OR56A4: variants seen among roughly 807,000 people sequenced by gnomAD.
The protein encoded by OR56A4 is olfactory receptor 56A4.
A neutral mutation model predicts 13.6 loss-of-function variants in OR56A4; 9 were observed. The observed-to-expected ratio is 0.66, with a 90% CI of 0.40 to 1.15. OR56A4 has a LOEUF of 1.15. Among genes scored for constraint, OR56A4 ranks in the 50% most tolerant of loss-of-function variants. The pLI is 0.01. For missense variants in OR56A4, 380 were observed against 375.9 expected (o/e 1.01, Z -0.09); for synonymous variants, 167 against 153.9 (o/e 1.08, Z -0.63).
At position 6,002,296 on chromosome 11, in the gene OR56A4, C is replaced by T. The variant is rs752100761; in HGVS notation, c.697G>A (p.Ala233Thr). Residue 233 changes from alanine (A) to threonine (T), a missense_variant, in exon 3 of 3, where the codon GCC becomes ACC. Transcript: ENST00000641156. ...AAGGCCTTGGCCACAGCACCCTCGG[C>T]CTTGATCCTAAGCACAACTTTCAAT... is the stretch of plus-strand genomic sequence containing the variant. ...FILKVVLRIK[A>T]EGAVAKALST... 1 of 1,614,180 alleles carries T rather than the reference C, an allele frequency of 6.2e-7. No individual in the cohort carries two copies. The highest frequency in any genetic ancestry group is 8.5e-7 in the Non-Finnish European group (1 of 1,180,040).
chr11:6,003,738 T>A (rs577936123), intron 2 of OR56A4, among the ~76,000 whole-genome samples: 1 of 152,152 alleles, frequency 6.6e-6, no homozygotes, highest in South Asian at 2.1e-4. Context: ...TGACACAACG[T>A]TGTGTGAAAT....
At position 6,002,184 on chromosome 11, in the gene OR56A4, C is replaced by A; in HGVS notation, c.809G>T (p.Arg270Ile). 1 of 1,614,178 alleles carries A rather than the reference C, an allele frequency of 6.2e-7. No homozygotes were observed. Among genetic ancestry groups the A allele is most frequent in the Non-Finnish European group, 8.5e-7 (1 of 1,180,030 alleles). Residue 270 changes from arginine to isoleucine, a missense_variant, in exon 3 of 3, where the codon AGA (arginine) becomes ATA (isoleucine). Coordinates refer to ENST00000641156, the MANE Select transcript of OR56A4 (RefSeq NM_001005179.4). The part of the protein sequence containing the change: ...VLVITNLARK[R>I]IPPDVPILLN... ...CAGGATGGGGACATCTGGAGGAATTCTCTTCCTGGCCAGGTTAGTGATGAC... is the reference window on the plus strand; with the variant it reads ...CAGGATGGGGACATCTGGAGGAATTATCTTCCTGGCCAGGTTAGTGATGAC...
rs780912520 is a variant in OR56A4 at position 6,002,619 on chromosome 11, CG to C, written c.373del (p.Arg125ValfsTer9). ...CAATGGATGGCAGATGGCCACATAA[CG>C]GTCATAGGCCATGACCATGAACGTG... The part of the protein sequence containing the change: ...SCTFMVMAYD[R>X]YVAICHPLRY... On this transcript the variant is annotated frameshift_variant, in exon 3 of 3. Coordinates refer to ENST00000641156, the MANE Select transcript of OR56A4 (RefSeq NM_001005179.4). LOFTEE classifies it high-confidence loss of function. 5.1e-5 allele frequency: 83 copies of C among 1,614,050 alleles called. No homozygotes were observed. The highest frequency in any genetic ancestry group is 1.2e-5 in the Non-Finnish European group (14 of 1,179,994).
chr11:6,000,166 A>C lies in OR56A4; in HGVS notation c.*1885T>G, dbSNP rs1192365700. 2 of 152,256 alleles carry C rather than the reference A, an allele frequency of 1.3e-5. No individual in the cohort carries two copies. The highest frequency in any genetic ancestry group is 2.9e-5 in the Non-Finnish European group (2 of 68,056). The allele number at this position is 152,256 out of a possible 1,614,324, so 9.4% of individuals were successfully genotyped here. A position where few individuals can be genotyped will look rare whatever the true frequency, so the allele number is the denominator to read the frequency against. ...CTGCTATAAAGACACATGCACATGT[A>C]TGTTTATTGCGGCACCATTCACAAT... On this transcript the variant is annotated 3_prime_UTR_variant, in exon 3 of 3. Coordinates refer to ENST00000641156, the MANE Select transcript of OR56A4 (RefSeq NM_001005179.4).
At chr11:6,003,204 C>G (rs1848232085) in intron 2 of OR56A4, 176 bp from the exon 3 acceptor site, 1 of 1,090,484 alleles carries the variant, frequency 9.2e-7, no homozygotes, top group Non-Finnish European at 1.3e-6. Context: ...GTTTTATATT[C>G]ATTATCTCAT....
intron 2 of OR56A4, 63 bp from the exon 3 acceptor site, chr11:6,003,091 G>C (rs745865391): frequency 1.2e-6 from 2 of 1,608,376 alleles, no homozygotes; most frequent in Non-Finnish European, 1.7e-6. Flanking sequence ...GTAGAGTGTG[G>C]GTTTCCACTG....
In OR56A4 at chr11:6,001,940, C is replaced by T. The variant is rs1848215367; in HGVS notation, c.*111G>A. On this transcript the variant is annotated 3_prime_UTR_variant, in exon 3 of 3. Coordinates refer to ENST00000641156, the MANE Select transcript of OR56A4 (RefSeq NM_001005179.4). ...GATATTGAGAACAGAAGAATCCGAA[C>T]TCAGGCAGGATTTAAAGTGAAATTT... The T allele has an allele frequency of 9.1e-7, 1 of 1,102,576 alleles. No individual in the cohort carries two copies. The highest frequency in any genetic ancestry group is 1.9e-5 in the South Asian group (1 of 52,434). The allele number at this position is 1,102,576 out of a possible 1,614,324, so 68.3% of individuals were successfully genotyped here.
At chr11:6,003,645 G>A (rs796083621) in intron 2 of OR56A4, among the ~76,000 whole-genome samples, 1 of 152,164 alleles carries the variant, frequency 6.6e-6, no homozygotes, top group Non-Finnish European at 1.5e-5. Context: ...AAAAACTCAG[G>A]GAGACATGGA....
chr11:6,003,757 A>G (rs1332714431), intron 2 of OR56A4, among the ~76,000 whole-genome samples: 1 of 152,194 alleles, frequency 6.6e-6, no homozygotes, highest in Non-Finnish European at 1.5e-5. Context: ...ATGATGTTAC[A>G]TGAGGACCTG....
Position 6,001,521 on chromosome 11 carries a change from G to A in OR56A4, c.*530C>T, listed in dbSNP as rs915538712. ...CCAGTGAATAGCACATCTGCCTCAGGTGCCATGGAAGAGAGTCGGGGTATT... is the reference window on the plus strand; with the variant it reads ...CCAGTGAATAGCACATCTGCCTCAGATGCCATGGAAGAGAGTCGGGGTATT... On this transcript the variant is annotated 3_prime_UTR_variant, in exon 3 of 3. Transcript: ENST00000641156. 1 of 152,544 alleles carries A rather than the reference G, an allele frequency of 6.6e-6. No individual in the cohort carries two copies. Among genetic ancestry groups the A allele is most frequent in the Non-Finnish European group, 1.5e-5 (1 of 68,372 alleles). 9.4% of individuals were successfully genotyped at this position (152,544 alleles called of 1,614,324 possible).
In OR56A4 at chr11:6,002,334, G is replaced by C. The variant is rs1387644568; in HGVS notation, c.659C>G (p.Ser220Cys). The change falls in exon 3 of 3, where the codon TCC (serine) becomes TGC (cysteine). Residue 220 changes from serine (S) to cysteine (C), a missense_variant. By Grantham distance (112) the Ser-to-Cys change is moderately radical. Transcript: ENST00000641156. ...LGSDLILIVI[S>C]YSFILKVVLR... ...CACAACTTTCAATATAAAAGAATAG[G>C]AGATAACAATAAGGATAAGATCAGA... is the stretch of plus-strand genomic sequence containing the variant. 3 of 1,613,986 alleles carry C rather than the reference G, an allele frequency of 1.9e-6. No homozygotes were observed. Among genetic ancestry groups the C allele is most frequent in the Non-Finnish European group, 2.5e-6 (3 of 1,179,992 alleles).
In OR56A4 at chr11:6,002,247, A is replaced by T. The variant is rs988380948; in HGVS notation, c.746T>A (p.Ile249Asn). ...KALSTCGSHFILILFFSTVLL... is the reference protein window; with the variant it reads ...KALSTCGSHFNLILFFSTVLL... ...GACTGTGCTGAAGAAGAGGATGAGG[A>T]TGAAGTGGGAACCACACGTGCTCAA... The change falls in exon 3 of 3, where the codon ATC becomes AAC. Residue 249 changes from isoleucine to asparagine, a missense_variant. Ile to Asn is a moderately radical substitution (Grantham distance 149). Coordinates refer to ENST00000641156, the MANE Select transcript of OR56A4 (RefSeq NM_001005179.4). 3 of 1,614,024 alleles carry T rather than the reference A, an allele frequency of 1.9e-6. No homozygotes were observed. The highest frequency in any genetic ancestry group is 2.7e-5 in the African/African-American group (2 of 74,942).
At chr11:6,004,290 G>T (rs1848240374) in intron 2 of OR56A4, among the ~76,000 whole-genome samples, 1 of 152,108 alleles carries the variant, frequency 6.6e-6, no homozygotes, top group Non-Finnish European at 1.5e-5. Flanking sequence ...GGGGGCGGAG[G>T]TTGCAGTGAG....
chr11:6,002,138 G>A lies in OR56A4; in HGVS notation c.855C>T (p.Leu285=), dbSNP rs757528108. The A allele has an allele frequency of 2.5e-6, 4 of 1,614,168 alleles. No individual in the cohort carries two copies. The highest frequency in any genetic ancestry group is 3.4e-6 in the Non-Finnish European group (4 of 1,180,024). ...VPILLNILHH[L]IPPALNPIVY... ...CAATGGGGTTCAGAGCTGGGGGAATGAGGTGGTGCAGGATGTTGAGCAGGA... is the reference window on the plus strand; with the variant it reads ...CAATGGGGTTCAGAGCTGGGGGAATAAGGTGGTGCAGGATGTTGAGCAGGA... The change falls in exon 3 of 3, where the codon CTC becomes CTT. Residue 285 remains leucine (L), a synonymous_variant. Coordinates refer to ENST00000641156, the MANE Select transcript of OR56A4 (RefSeq NM_001005179.4).
In OR56A4 at chr11:6,002,843, G is replaced by C; in HGVS notation, c.150C>G (p.Ile50Met). 1 of 1,614,032 alleles carries C rather than the reference G, an allele frequency of 6.2e-7. No individual in the cohort carries two copies. Among genetic ancestry groups the C allele is most frequent in the Non-Finnish European group, 8.5e-7 (1 of 1,180,006 alleles). The part of the protein sequence containing the change: ...LAMGANTTLL[I>M]TIQLEASLHQ... The stretch of plus-strand genomic sequence containing the variant: ...GCAGAGAGGCCTCCAGCTGGATGGT[G>C]ATCAGGAGGGTGGTGTTAGCTCCCA... The change falls in exon 3 of 3, where the codon ATC becomes ATG. Residue 50 changes from isoleucine to methionine, a missense_variant. By Grantham distance (10) the Ile-to-Met change is conservative. Coordinates refer to ENST00000641156, the MANE Select transcript of OR56A4 (RefSeq NM_001005179.4).
chr11:6,005,536 T>G (rs999639742), intron 2 of OR56A4, among the ~76,000 whole-genome samples: 4 of 152,152 alleles, frequency 2.6e-5, no homozygotes, highest in African/African-American at 9.7e-5. Flanking sequence ...ACAGAATATT[T>G]GAAAAGGAAC....
At position 6,002,459 on chromosome 11, in the gene OR56A4, C is replaced by A; in HGVS notation, c.534G>T (p.Lys178Asn). Residue 178 changes from lysine (K) to asparagine (N), a missense_variant, in exon 3 of 3, where the codon AAG becomes AAT. Transcript: ENST00000641156. ...CAGACAGGTTACTGCAGATGCAGTTCTTGATTATGTTTCCTGCACAGTATC... is the reference window on the plus strand; with the variant it reads ...CAGACAGGTTACTGCAGATGCAGTTATTGATTATGTTTCCTGCACAGTATC... Reference protein sequence around the residue: ...RLRYCAGNIIKNCICSNLSVS... With the variant: ...RLRYCAGNIINNCICSNLSVS... The A allele has an allele frequency of 6.2e-7, 1 of 1,614,192 alleles. No homozygotes were observed.
intron 1 of OR56A4, 47 bp from the exon 2 acceptor site, chr11:6,006,450 T>C (rs1848260008): frequency 6.6e-6 from 1 of 152,326 alleles, no homozygotes; most frequent in African/African-American, 2.4e-5. Context: ...ATTCTAGGTG[T>C]CAATGAGCAA....
intron 2 of OR56A4, 65 bp downstream of exon 2, chr11:6,006,184 A>T (rs931850245): frequency 2.6e-5 from 4 of 152,190 alleles, no homozygotes; most frequent in Non-Finnish European, 5.9e-5. Flanking sequence ...GTTCTTTTGG[A>T]CTTCCAGTAG....
Sources: gnomAD v4.1 joint callset for allele counts (sites outside exome capture counted in the v4.1 genomes callset) on GRCh38, gnomAD v4.1.1 for gene constraint, MANE v1.5 for transcripts, NCBI Gene and HGNC (gene_info 2026-07-23, HGNC 2026-07-21) for gene names.